The following C20orf96 variants were observed in gnomAD, a reference collection of about 807,000 sequenced individuals.
The protein encoded by C20orf96 is chromosome 20 open reading frame 96, also known as uncharacterized protein C20orf96.
In C20orf96, 57 loss-of-function variants were observed where a neutral mutation model predicts 52.6. That is an observed-to-expected ratio of 1.08 (90% CI 0.88 to 1.35). The LOEUF (loss-of-function observed/expected upper bound fraction) is 1.35, where lower values mean the gene tolerates loss of function less well. Ranked by LOEUF, C20orf96 falls within the 40% of genes most tolerant of loss-of-function variation. The probability of loss-of-function intolerance (pLI) is 0.00; values close to 1 mark genes in which losing one functional copy is unlikely to be tolerated. For synonymous variants in C20orf96, 168 were observed against 157.2 expected (o/e 1.07, Z -0.51); for missense variants, 478 against 443.6 (o/e 1.08, Z -0.70).
intron 5 of C20orf96, among the ~76,000 whole-genome samples, chr20:278,815 G>C (rs893349378): frequency 6.9e-6 from 1 of 144,650 alleles, no homozygotes; most frequent in African/African-American, 2.6e-5. Context: ...AACCCATCTC[G>C]GTCCTCTTGC....
At position 279,161 on chromosome 20, in the gene C20orf96, G is replaced by A; in HGVS notation, c.465+11C>T. 1 of 1,578,500 alleles carries A rather than the reference G, an allele frequency of 6.3e-7. No homozygotes were observed. Among genetic ancestry groups the A allele is most frequent in the Non-Finnish European group, 8.6e-7 (1 of 1,168,878 alleles). On this transcript the variant is annotated intron_variant, in intron 5 of 10. Transcript: ENST00000360321. ...GAGGGACGGAGGGCGGGCGGATGCC[G>A]CGGGTCTCACCGCCAGGGTGTCCTG... is the stretch of plus-strand genomic sequence containing the variant.
At chr20:273,986 CAGAGAG>C (rs1173221478) in intron 10 of C20orf96, among the ~76,000 whole-genome samples, 3 of 125,614 alleles carry the variant, frequency 2.4e-5, no homozygotes, top group Admixed American at 1.6e-4. Context: ...AAGAGAAAGA[CAGAGAG>C]AGAAAGAAAG....
At chr20:279,069 A>AGGGAGGGAGGGAGGGCGGAGGGAGGGC in intron 5 of C20orf96, 103 bp downstream of exon 5, 1 of 178,646 alleles carries the variant, frequency 5.6e-6, no homozygotes, top group Non-Finnish European at 7.5e-6. Context: ...GGAGGGAGGG[A>AGGGAGGGAGGGAGGGCGGAGGGAGGGC]GGGAGGGAGG....
Position 278,444 on chromosome 20 carries a change from G to A in C20orf96, c.466-15C>T, listed in dbSNP as rs970554821. 1 of 1,600,086 alleles carries A rather than the reference G, an allele frequency of 6.2e-7. No homozygotes were observed. Among genetic ancestry groups the A allele is most frequent in the Middle Eastern group, 1.7e-4 (1 of 6,040 alleles). On this transcript the variant is annotated splice_polypyrimidine_tract_variant and intron_variant, in intron 5 of 10. Coordinates refer to ENST00000360321, the MANE Select transcript of C20orf96 (RefSeq NM_153269.3). Reference sequence around the variant, plus strand: ...TCGATGATGGTCTGCGGGAGGGGTGGAGTCAACTCACCCACAGGCTCTGCT... The same window carrying A: ...TCGATGATGGTCTGCGGGAGGGGTGAAGTCAACTCACCCACAGGCTCTGCT...
intron 4 of C20orf96, among the ~76,000 whole-genome samples, chr20:281,133 G>A (rs986509152): frequency 2.0e-5 from 3 of 151,922 alleles, no homozygotes; most frequent in Non-Finnish European, 2.9e-5. Context: ...TCCAGCCCGG[G>A]TAACACAGCA....
At chr20:286,623 A>G (rs988160979) in intron 3 of C20orf96, among the ~76,000 whole-genome samples, 3 of 150,904 alleles carry the variant, frequency 2.0e-5, no homozygotes, top group African/African-American at 7.3e-5. Context: ...GAAAGGAAAG[A>G]AAAGGAAACA....
chr20:279,197 A>T lies in C20orf96; in HGVS notation c.440T>A (p.Leu147Gln). 1 of 1,603,332 alleles carries T rather than the reference A, an allele frequency of 6.2e-7. No homozygotes were observed. The highest frequency in any genetic ancestry group is 8.5e-7 in the Non-Finnish European group (1 of 1,176,996). The change falls in exon 5 of 11, where the codon CTG becomes CAG. Residue 147 changes from leucine (L) to glutamine (Q), a missense_variant. By Grantham distance (113) the Leu-to-Gln change is moderately radical (BLOSUM62 -2). Coordinates refer to ENST00000360321, the MANE Select transcript of C20orf96 (RefSeq NM_153269.3). ...CGCCAGGGTGTCCTGCTGCTGCAGC[A>T]GGGCCCGCACGTGCAGGGTCGTGCT... ...ENSTTLHVRALLQQQDTLATI... is the reference protein window; with the variant it reads ...ENSTTLHVRAQLQQQDTLATI...
intron 5 of C20orf96, 67 bp downstream of exon 5, chr20:279,105 A>AGGGC (rs1568491488): frequency 1.3e-6 from 1 of 770,606 alleles, no homozygotes. Context: ...GGAGGGACGG[A>AGGGC]GGGAGGGAGG....
intron 3 of C20orf96, among the ~76,000 whole-genome samples, chr20:288,483 G>A (rs983730635): frequency 2.6e-5 from 4 of 152,120 alleles, no homozygotes; most frequent in African/African-American, 4.8e-5. Context: ...CTCTAGGGTA[G>A]TGTCAACAGA....
In C20orf96 at chr20:289,591, C is replaced by T; in HGVS notation, c.155G>A (p.Ser52Asn). The T allele has an allele frequency of 6.2e-7, 1 of 1,614,028 alleles. No individual in the cohort carries two copies. The highest frequency in any genetic ancestry group is 8.5e-7 in the Non-Finnish European group (1 of 1,179,924). The part of the protein sequence containing the change: ...PVQQANSLHT[S>N]KMKTLTRVQP... ...GACCCTAGTCAAAGTCTTCATTTTG[C>T]TTGTATGAAGGCTGTTGGCTTGTTG... The change falls in exon 3 of 11, where the codon AGC (serine) becomes AAC (asparagine). Residue 52 changes from serine (S) to asparagine (N), a missense_variant. Physicochemically the swap from Ser to Asn is conservative, Grantham distance 46 (BLOSUM62 1). Coordinates refer to ENST00000360321, the MANE Select transcript of C20orf96 (RefSeq NM_153269.3).
At chr20:281,778 A>G (rs2012261257) in intron 4 of C20orf96, among the ~76,000 whole-genome samples, 3 of 152,182 alleles carry the variant, frequency 2.0e-5, no homozygotes, top group African/African-American at 7.2e-5. Context: ...CAGGAGTTAG[A>G]GCCCTGGGCA....
At chr20:279,483 TTGTC>T (rs2012192102) in intron 4 of C20orf96, among the ~76,000 whole-genome samples, 153 bp from the exon 5 acceptor site, 1 of 152,056 alleles carries the variant, frequency 6.6e-6, no homozygotes, top group African/African-American at 2.4e-5. Flanking sequence ...CGGTTCCCCA[TTGTC>T]TGCGCCGCCC....
chr20:287,943 AC>A (rs1329791230), intron 3 of C20orf96, among the ~76,000 whole-genome samples: 75 of 138,238 alleles, frequency 5.4e-4, no homozygotes, highest in African/African-American at 1.9e-3. Flanking sequence ...CTTTCACAGA[AC>A]AAAATTTTTA....
intron 9 of C20orf96, 126 bp from the exon 10 acceptor site, chr20:276,212 T>TCAG: frequency 1.3e-6 from 2 of 1,547,364 alleles, no homozygotes; most frequent in Non-Finnish European, 1.7e-6. Context: ...CACTGGGACT[T>TCAG]GCTGGACTCC....
intron 3 of C20orf96, among the ~76,000 whole-genome samples, chr20:287,908 C>CAAAAAAAAAAAAAAAAAA (rs71327437): frequency 1.9e-4 from 12 of 63,080 alleles, no homozygotes; most frequent in African/African-American, 6.3e-4. Flanking sequence ...GACTCCTTCT[C>CAAAAAAAAAAAAAAAAAA]AAAAAAAAAA....
intron 10 of C20orf96, among the ~76,000 whole-genome samples, chr20:274,904 C>G (rs2011969516): frequency 6.6e-6 from 1 of 152,192 alleles, no homozygotes; most frequent in African/African-American, 2.4e-5. Context: ...ACCGCAACCT[C>G]CGCCTTCCAG....
In C20orf96 at chr20:277,215, G is replaced by A. The variant is rs1164819990; in HGVS notation, c.723+11C>T. The A allele has an allele frequency of 1.2e-6, 2 of 1,613,974 alleles. No homozygotes were observed. Among genetic ancestry groups the A allele is most frequent in the African/African-American group, 1.3e-5 (1 of 74,934 alleles). On this transcript the variant is annotated intron_variant, in intron 7 of 10. Transcript: ENST00000360321. ...CACAGTCTGGTGGGAGAGGGGCAGG[G>A]GCTCCCCTACCTGCTGGCTGTCCTT...
Position 289,626 on chromosome 20 carries a change from C to T in C20orf96, c.120G>A (p.Leu40=). The change falls in exon 3 of 11, where the codon CTG becomes CTA. Residue 40 remains leucine (L), a synonymous_variant. Transcript: ENST00000360321. ...QSKQETKPST[L]PPVQQANSLH... ...GGCTGTTGGCTTGTTGGACTGGAGG[C>T]AGAGTAGATGGCTTGGTTTCCTGCT... is the stretch of plus-strand genomic sequence containing the variant. 1 of 1,614,082 alleles carries T rather than the reference C, an allele frequency of 6.2e-7. No individual in the cohort carries two copies.
intron 10 of C20orf96, 65 bp downstream of exon 10, chr20:275,903 A>T: frequency 6.7e-7 from 1 of 1,487,706 alleles, no homozygotes; most frequent in Non-Finnish European, 9.4e-7. Context: ...TTCCCCAAGA[A>T]CAGAGAGCCT....
Sources: gnomAD v4.1 joint callset for allele counts (sites outside exome capture counted in the v4.1 genomes callset) on GRCh38, gnomAD v4.1.1 for gene constraint, MANE v1.5 for transcripts, NCBI Gene and HGNC (gene_info 2026-07-23, HGNC 2026-07-21) for gene names.